The following AGRN variants were observed in gnomAD, a reference collection of about 807,000 sequenced individuals.
AGRN encodes the protein agrin proteoglycan.
AGRN carries 106 observed loss-of-function variants against 211.0 expected under a neutral mutation model. The ratio of observed to expected loss-of-function variants is 0.50; its 90% CI spans 0.43 to 0.59. The LOEUF (loss-of-function observed/expected upper bound fraction) is 0.59, where lower values mean the gene tolerates loss of function less well. Among genes scored for constraint, AGRN ranks in the 20% least tolerant of loss-of-function variants. AGRN has a pLI of 0.00. For missense variants in AGRN, 3,040 were observed against 2,982.6 expected (o/e 1.02, Z -0.45); for synonymous variants, 1,525 against 1,332.5 (o/e 1.14, Z -3.15).
rs758998244 is a variant in AGRN at position 1,047,401 on chromosome 1, G to A, written c.3463G>A (p.Ala1155Thr). ...GQELFYTPEM[A>T]DPKSELFGET... ...GGAGCTGTTCTACACGCCCGAGATG[G>A]CTGACCCCAAGTCAGAACTGTTCGG... The change falls in exon 20 of 36, where the codon GCT (alanine) becomes ACT (threonine). Residue 1155 changes from alanine to threonine, a missense_variant. Physicochemically the swap from Ala to Thr is moderately conservative, Grantham distance 58 (BLOSUM62 0). Coordinates refer to ENST00000379370, the MANE Select transcript of AGRN (RefSeq NM_198576.4). 6.2e-7 allele frequency: 1 copy of A among 1,612,552 alleles called. No individual in the cohort carries two copies. Among genetic ancestry groups the A allele is most frequent in the Non-Finnish European group, 8.5e-7 (1 of 1,179,686 alleles).
At chr1:1,050,981 T>TCC in intron 30 of AGRN, 144 bp downstream of exon 30, 1 of 1,550,922 alleles carries the variant, frequency 6.4e-7, no homozygotes, top group South Asian at 1.2e-5. Flanking sequence ...CTCCTCTGCC[T>TCC]CCCTGCTCTC....
intron 2 of AGRN, among the ~76,000 whole-genome samples, chr1:1,028,341 T>C (rs2465127): frequency 0.78 from 87,990 of 112,876 alleles, 31,695 homozygotes; most frequent in Middle Eastern, 0.9. Flanking sequence ...CCCCCCGCCC[T>C]GCACCTGGCT....
chr1:1,049,194 C>T (rs780771332), intron 24 of AGRN, 42 bp from the exon 25 acceptor site: 26 of 1,446,344 alleles, frequency 1.8e-5, no homozygotes, highest in Middle Eastern at 2.4e-4. Context: ...GGGGTGGGGA[C>T]GGGGCCGGGC....
chr1:1,033,655 C>T (rs1451532718), intron 2 of AGRN, among the ~76,000 whole-genome samples: 12 of 130,774 alleles, frequency 9.2e-5, no homozygotes, highest in Admixed American at 8.2e-4. Flanking sequence ...GCCCCCAGTC[C>T]CACCCCCGGC....
At chr1:1,050,928 G>T in intron 30 of AGRN, 91 bp downstream of exon 30, 1 of 1,537,002 alleles carries the variant, frequency 6.5e-7, no homozygotes, top group Non-Finnish European at 8.8e-7. Flanking sequence ...TCACGGAGCT[G>T]TTTTTCTGTC....
At position 1,049,090 on chromosome 1, in the gene AGRN, C is replaced by A. The variant is rs1309326220; in HGVS notation, c.4298+31C>A. 5 of 963,140 alleles carry A rather than the reference C, an allele frequency of 5.2e-6. No homozygotes were observed. The African/African-American group carries it at 8.5e-5, about 16-fold the overall frequency. The allele number at this position is 963,140 out of a possible 1,614,324, so 59.7% of individuals were successfully genotyped here. A position where few individuals can be genotyped will look rare whatever the true frequency, so the allele number is the denominator to read the frequency against. Reference sequence around the variant, plus strand: ...CGGGGAGGGGACGGGGCCGGGGCAGCTCAGGTGGGCGGGGAGGGGACGGGC... The same window carrying A: ...CGGGGAGGGGACGGGGCCGGGGCAGATCAGGTGGGCGGGGAGGGGACGGGC... On this transcript the variant is annotated intron_variant, in intron 24 of 35. Coordinates refer to ENST00000379370, the MANE Select transcript of AGRN (RefSeq NM_198576.4).
Position 1,048,288 on chromosome 1 carries a change from C to A in AGRN, c.4028C>A (p.Thr1343Asn), listed in dbSNP as rs995378363. 6.6e-7 allele frequency: 1 copy of A among 1,516,738 alleles called. No individual in the cohort carries two copies. Among genetic ancestry groups the A allele is most frequent in the Non-Finnish European group, 8.9e-7 (1 of 1,128,766 alleles). The allele number at this position is 1,516,738 out of a possible 1,614,324, so 94.0% of individuals were successfully genotyped here. A position where few individuals can be genotyped will look rare whatever the true frequency, so the allele number is the denominator to read the frequency against. Residue 1343 changes from threonine (T) to asparagine (N), a missense_variant, in exon 23 of 36, where the codon ACC (threonine) becomes AAC (asparagine). By Grantham distance (65) the Thr-to-Asn change is moderately conservative (BLOSUM62 0). Around this residue, in one of 3 missense-constraint regions of AGRN, gnomAD observed 1,537 missense variants for 1,505.0 expected, o/e 1.02. Coordinates refer to ENST00000379370, the MANE Select transcript of AGRN (RefSeq NM_198576.4). The surrounding 1 kb of genome is among the most constrained non-coding windows in gnomAD (Gnocchi z 5.9). ...TCACAGCCCTGCTTCCACGGGGGGA[C>A]CTGCCAGGACTGGGCATTGGGCGGG... ...CDSQPCFHGG[T>N]CQDWALGGGF...
rs1570265247 is a variant in AGRN, at chr1:1,055,409, T to A, written c.*428T>A. ...CCAAGCCCCCATTTGAGCTGCTCCTTCCTGTGTGTGCTCTGGGCCCTGCCT... is the reference window on the plus strand; with the variant it reads ...CCAAGCCCCCATTTGAGCTGCTCCTACCTGTGTGTGCTCTGGGCCCTGCCT... On this transcript the variant is annotated 3_prime_UTR_variant, in exon 36 of 36. Coordinates refer to ENST00000379370, the MANE Select transcript of AGRN (RefSeq NM_198576.4). 3.0e-6 allele frequency: 1 copy of A among 329,086 alleles called. No individual in the cohort carries two copies. The highest frequency in any genetic ancestry group is 8.1e-5 in the East Asian group (1 of 12,302). The allele number at this position is 329,086 out of a possible 1,614,324, so 20.4% of individuals were successfully genotyped here.
At chr1:1,040,592 C>T in intron 3 of AGRN, 73 bp from the exon 4 acceptor site, 1 of 1,513,230 alleles carries the variant, frequency 6.6e-7, no homozygotes, top group Non-Finnish European at 8.9e-7. Context: ...GCGAGCACGG[C>T]AAGGTCTCTC....
intron 2 of AGRN, among the ~76,000 whole-genome samples, chr1:1,029,981 A>ATG (rs60309678): frequency 0.44 from 10,533 of 23,974 alleles, 4,350 homozygotes; most frequent in East Asian, 0.77. Context: ...TGAGATCAGC[A>ATG]TGTGTGTGTG....
intron 2 of AGRN, among the ~76,000 whole-genome samples, chr1:1,023,825 G>A (rs1445837033): frequency 6.6e-6 from 1 of 152,180 alleles, no homozygotes; most frequent in Non-Finnish European, 1.5e-5. Context: ...GTGCCCAGGC[G>A]GAGCAGAGCG....
Position 1,047,620 on chromosome 1 carries a change from T to C in AGRN, c.3564T>C (p.Ser1188=), listed in dbSNP as rs370543185. The change falls in exon 21 of 36, where the codon AGT becomes AGC. Residue 1188 remains serine, a synonymous_variant. Coordinates refer to ENST00000379370, the MANE Select transcript of AGRN (RefSeq NM_198576.4). ...RNSDVKKDFR[S]VRLRDLGPGK... Reference sequence around the variant, plus strand: ...CAGACGTCAAGAAGGATTTTCGGAGTGTCCGCTTGCGGGACCTGGGGCCCG... The same window carrying C: ...CAGACGTCAAGAAGGATTTTCGGAGCGTCCGCTTGCGGGACCTGGGGCCCG... 4.3e-6 allele frequency: 7 copies of C among 1,612,854 alleles called. No individual in the cohort carries two copies. The highest frequency in any genetic ancestry group is 5.9e-6 in the Non-Finnish European group (7 of 1,180,016).
Position 1,043,659 on chromosome 1 carries a change from C to T in AGRN, c.1725C>T (p.Pro575=). 1.2e-6 allele frequency: 2 copies of T among 1,601,496 alleles called. No homozygotes were observed. Among genetic ancestry groups the T allele is most frequent in the Non-Finnish European group, 1.7e-6 (2 of 1,179,756 alleles). ...PVCGSDGHTY[P]SECMLHVHAC... is the part of the protein sequence containing the mutation. ...GTGGCTCCGACGGGCACACGTACCC[C>T]AGCGAGTGCATGCTGCACGTGCACG... Residue 575 remains proline (P), a synonymous_variant, in exon 9 of 36, where the codon CCC becomes CCT. Coordinates refer to ENST00000379370, the MANE Select transcript of AGRN (RefSeq NM_198576.4).
chr1:1,027,510 C>G lies in AGRN; in HGVS notation c.463+5048C>G, dbSNP rs548941436. 5.7e-3 allele frequency among the ~76,000 whole-genome samples: 872 copies of G among 152,314 alleles called. 7 individuals carry two copies. The highest frequency in any genetic ancestry group is 7.4e-3 in the Non-Finnish European group (504 of 68,024). ...GCTGTTGGTTGTCCACTCTCCTGCC[C>G]CCTGCTCACTGCGTCCAGCACGCTG... On this transcript the variant is annotated intron_variant, in intron 2 of 35. Transcript: ENST00000379370.
Position 1,045,528 on chromosome 1 carries a change from G to C in AGRN, c.2536+5G>C. ...ATGGCCGGAGTGGCTGTACACGTGA[G>C]TGACAGGGCCCAGGACTGGCCACCG... On this transcript the variant is annotated splice_donor_5th_base_variant and intron_variant, in intron 14 of 35. Transcript: ENST00000379370. 1 of 1,612,582 alleles carries C rather than the reference G, an allele frequency of 6.2e-7. No individual in the cohort carries two copies. Among genetic ancestry groups the C allele is most frequent in the Non-Finnish European group, 8.5e-7 (1 of 1,179,870 alleles).
chr1:1,050,179 G>A, intron 27 of AGRN, 54 bp from the exon 28 acceptor site: 3 of 1,604,030 alleles, frequency 1.9e-6, no homozygotes, highest in Non-Finnish European at 2.6e-6. Context: ...GGCTGGCATG[G>A]GGTGCAGGAG....
chr1:1,054,416 C>G (rs1468641963), intron 34 of AGRN, 32 bp from the exon 35 acceptor site: 1 of 1,539,062 alleles, frequency 6.5e-7, no homozygotes, highest in African/African-American at 1.4e-5. Flanking sequence ...GAACTCTGGG[C>G]CCTGATGGTC....
intron 3 of AGRN, 144 bp from the exon 4 acceptor site, chr1:1,040,521 C>T (rs1570189086): frequency 9.0e-6 from 9 of 997,432 alleles, no homozygotes; most frequent in Non-Finnish European, 1.3e-5. Flanking sequence ...AGCGCACGCA[C>T]GCGTGTCCGT....
Position 1,040,723 on chromosome 1 carries a change from G to A in AGRN, c.570G>A (p.Pro190=), listed in dbSNP as rs939363311. The A allele has an allele frequency of 3.2e-6, 5 of 1,546,448 alleles. No homozygotes were observed. The highest frequency in any genetic ancestry group is 2.0e-5 in the Admixed American group (1 of 51,156). The change falls in exon 4 of 36, where the codon CCG becomes CCA. Residue 190 remains proline, a synonymous_variant. Transcript: ENST00000379370. The part of the protein sequence containing the change: ...GAVCEPNAEG[P]GRASCVCKKS... ...TGTGCGAGCCCAACGCGGAGGGGCCGGGCCGGGCGTCCTGCGTCTGCAAGA... is the reference window on the plus strand; with the variant it reads ...TGTGCGAGCCCAACGCGGAGGGGCCAGGCCGGGCGTCCTGCGTCTGCAAGA...
Sources: allele counts gnomAD v4.1 joint callset (sites outside exome capture counted in the v4.1 genomes callset), GRCh38; gene constraint gnomAD v4.1.1; regional missense constraint gnomAD v4.1.1; non-coding constraint Gnocchi (gnomAD v3.1); transcripts MANE v1.5; gene names NCBI Gene and HGNC (gene_info 2026-07-23, HGNC 2026-07-21).